Variants in NLGN4Y observed in about 807,000 individuals in gnomAD.
The protein encoded by NLGN4Y is neuroligin 4 Y-linked.
In NLGN4Y, 4 loss-of-function variants were observed where a neutral mutation model predicts 8.4. That is an observed-to-expected ratio of 0.48 (90% CI 0.23 to 1.09). The LOEUF (loss-of-function observed/expected upper bound fraction) is 1.09. NLGN4Y is among the 50% of genes least tolerant of loss of function. The pLI is 0.19. For synonymous variants in NLGN4Y, 35 were observed against 75.6 expected (o/e 0.46, Z 2.78); for missense variants, 90 against 192.3 (o/e 0.47, Z 3.15).
At chrY:14,771,859 G>A (rs1267845790) in intron 4 of NLGN4Y, among the ~76,000 whole-genome samples, 2 of 33,278 alleles carry the variant, frequency 6.0e-5, no homozygotes, top group African/African-American at 1.2e-4. Context: ...GGAAACCAAT[G>A]AGAATGCTGA....
chrY:14,702,559 C>T, intron 2 of NLGN4Y, among the ~76,000 whole-genome samples: 1 of 33,246 alleles, frequency 3.0e-5, no homozygotes, highest in Non-Finnish European at 7.4e-5. Flanking sequence ...TCCAGGCTAT[C>T]ATTGTTGGAC....
chrY:14,650,160 C>T (rs778287181), intron 2 of NLGN4Y, among the ~76,000 whole-genome samples: 1 of 32,496 alleles, frequency 3.1e-5, no homozygotes, highest in African/African-American at 1.2e-4. Flanking sequence ...TCTAAGACAC[C>T]TAGGCACACA....
intron 4 of NLGN4Y, among the ~76,000 whole-genome samples, chrY:14,743,967 G>C: frequency 6.1e-5 from 2 of 33,028 alleles, no homozygotes; most frequent in African/African-American, 2.4e-4. Flanking sequence ...CACTTTCCAG[G>C]GAATCCTTTT....
At chrY:14,821,548 G>A (rs752714106) in intron 4 of NLGN4Y, among the ~76,000 whole-genome samples, 112 of 33,393 alleles carry the variant, frequency 3.4e-3, no homozygotes, top group Admixed American at 7.9e-3. Flanking sequence ...TAGCTACAGA[G>A]TGCTGATTGG....
At chrY:14,585,476 C>CA (rs2080336715) in intron 1 of NLGN4Y, among the ~76,000 whole-genome samples, 3 of 32,121 alleles carry the variant, frequency 9.3e-5, no homozygotes, top group South Asian at 7.0e-4. Flanking sequence ...AAAACAAAAC[C>CA]AAAAAAAACC....
At chrY:14,806,266 G>A (rs2043056894) in intron 4 of NLGN4Y, among the ~76,000 whole-genome samples, 1 of 33,103 alleles carries the variant, frequency 3.0e-5, no homozygotes, top group Non-Finnish European at 7.4e-5. Context: ...TTGCCTTGGG[G>A]GATAATATAA....
chrY:14,597,132 T>C, intron 1 of NLGN4Y, among the ~76,000 whole-genome samples: 1 of 31,055 alleles, frequency 3.2e-5, no homozygotes, highest in East Asian at 8.7e-4. Context: ...ACCTTCGCAG[T>C]GAATGTTACA....
chrY:14,568,934 T>A, intron 1 of NLGN4Y, among the ~76,000 whole-genome samples: 2 of 32,488 alleles, frequency 6.2e-5, no homozygotes, highest in African/African-American at 2.4e-4. Flanking sequence ...TGTTTCTCTA[T>A]ATCCAGGTGG....
chrY:14,687,485 G>T (rs867889919), intron 2 of NLGN4Y, among the ~76,000 whole-genome samples: 2 of 32,620 alleles, frequency 6.1e-5, no homozygotes, highest in African/African-American at 2.4e-4. Flanking sequence ...ATAGTGGAAG[G>T]CAAGGAGAAG....
chrY:14,554,699 TG>T lies in NLGN4Y; in HGVS notation c.-112+29992del. On this transcript the variant is annotated intron_variant, in intron 1 of 6. Transcript: ENST00000684976. ...TAGAATAGTCATACAGGCATTTATT[TG>T]TTGCTTTAGAATTTGGAAACTTCTT... is the stretch of plus-strand genomic sequence containing the variant. 1.2e-4 allele frequency among the ~76,000 whole-genome samples: 4 copies of T among 33,716 alleles called. No homozygotes were observed. The East Asian group carries it at 3.1e-3, about 26-fold the overall frequency. 90.5% of individuals were successfully genotyped at this position (33,716 alleles called of 37,273 possible). A position where few individuals can be genotyped will look rare whatever the true frequency, so the allele number is the denominator to read the frequency against.
At chrY:14,657,215 A>AT (rs2080657021) in intron 2 of NLGN4Y, among the ~76,000 whole-genome samples, 2 of 31,231 alleles carry the variant, frequency 6.4e-5, no homozygotes, top group Non-Finnish European at 7.8e-5. Context: ...AATATGTACA[A>AT]TTTTTTTTTG....
At chrY:14,668,421 T>G in intron 2 of NLGN4Y, among the ~76,000 whole-genome samples, 1 of 33,712 alleles carries the variant, frequency 3.0e-5, no homozygotes, top group Non-Finnish European at 7.4e-5. Flanking sequence ...GCTATTTCCT[T>G]ATACAAGCAT....
intron 4 of NLGN4Y, among the ~76,000 whole-genome samples, chrY:14,785,626 C>T (rs2042960644): frequency 6.2e-5 from 2 of 32,444 alleles, no homozygotes; most frequent in African/African-American, 1.2e-4. Flanking sequence ...TAGCCGGGCG[C>T]TGTGGCGGCT....
chrY:14,796,352 G>A (rs2043008453), intron 4 of NLGN4Y, among the ~76,000 whole-genome samples: 1 of 32,423 alleles, frequency 3.1e-5, no homozygotes, highest in Non-Finnish European at 7.5e-5. Context: ...CCAGCACTTT[G>A]GGAGGCCGAG....
chrY:14,773,532 G>A, intron 4 of NLGN4Y, among the ~76,000 whole-genome samples: 1 of 31,612 alleles, frequency 3.2e-5, no homozygotes, highest in Non-Finnish European at 7.7e-5. Flanking sequence ...TCCCCGTCAA[G>A]CTACCACTGA....
At chrY:14,700,484 T>C (rs2080844804) in intron 2 of NLGN4Y, among the ~76,000 whole-genome samples, 1 of 34,078 alleles carries the variant, frequency 2.9e-5, no homozygotes, top group Non-Finnish European at 7.3e-5. Flanking sequence ...TTATTTTCTT[T>C]ACTGCATCAA....
chrY:14,698,467 C>A, intron 2 of NLGN4Y, among the ~76,000 whole-genome samples: 2 of 33,170 alleles, frequency 6.0e-5, no homozygotes. Flanking sequence ...ACTGTAAATC[C>A]ATTTCCATGC....
rs756419237 is a variant in NLGN4Y at position 14,680,667 on chromosome Y, C to T, written c.473-38792C>T. ...TGAAACAAATGTTTAAATAAAACAGCGTGCCCCACACTGGAGATGCAGCTG... is the reference window on the plus strand; with the variant it reads ...TGAAACAAATGTTTAAATAAAACAGTGTGCCCCACACTGGAGATGCAGCTG... On this transcript the variant is annotated intron_variant, in intron 2 of 6. Coordinates refer to ENST00000684976, the MANE Select transcript of NLGN4Y (RefSeq NM_001365588.1). Among the ~76,000 whole-genome samples, 19 of 33,485 alleles carry T rather than the reference C, an allele frequency of 5.7e-4. No individual in the cohort carries two copies. In the South Asian group the frequency reaches 0.012, roughly 21 times the overall value. 89.8% of individuals were successfully genotyped at this position (33,485 alleles called of 37,273 possible). A position where few individuals can be genotyped will look rare whatever the true frequency, so the allele number is the denominator to read the frequency against.
intron 1 of NLGN4Y, among the ~76,000 whole-genome samples, chrY:14,575,080 T>A: frequency 6.1e-5 from 2 of 32,832 alleles, no homozygotes; most frequent in Admixed American, 5.6e-4. Context: ...GAGTTGCTCT[T>A]CTTGGGGAGT....
Sources: gnomAD v4.1 joint callset for allele counts (sites outside exome capture counted in the v4.1 genomes callset) on GRCh38, gnomAD v4.1.1 for gene constraint, MANE v1.5 for transcripts, NCBI Gene and HGNC (gene_info 2026-07-23, HGNC 2026-07-21) for gene names.